Variants in ZNF286A observed in about 807,000 individuals in gnomAD.
ZNF286A encodes the protein zinc finger protein 286A.
ZNF286A carries 34 observed loss-of-function variants against 49.3 expected under a neutral mutation model. The observed-to-expected ratio is 0.69, with a 90% CI of 0.52 to 0.92. The LOEUF (loss-of-function observed/expected upper bound fraction) is 0.92, where lower values mean the gene tolerates loss of function less well. Ranked by LOEUF, ZNF286A falls within the 40% of genes least tolerant of loss-of-function variation. The probability of loss-of-function intolerance (pLI) is 0.00; values close to 1 mark genes in which losing one functional copy is unlikely to be tolerated. For synonymous variants in ZNF286A, 155 were observed against 200.4 expected (o/e 0.77, Z 1.91); for missense variants, 462 against 600.2 (o/e 0.77, Z 2.41).
chr17:15,717,925 CATT>C lies in ZNF286A; in HGVS notation c.*636_*638del, dbSNP rs1967153862. On this transcript the variant is annotated 3_prime_UTR_variant, in exon 6 of 6. Transcript: ENST00000583566. ...TTACGTTCACATGGATTATGTACAT[CATT>C]GATTTTTTTTTTTTTTTTTTTTTGA... The C allele has an allele frequency of 9.6e-6, 1 of 104,618 alleles. No individual in the cohort carries two copies. The highest frequency in any genetic ancestry group is 4.1e-5 in the African/African-American group (1 of 24,538). The allele number at this position is 104,618 out of a possible 1,614,324, so 6.5% of individuals were successfully genotyped here.
At chr17:15,715,678 T>C (rs564579396) in intron 5 of ZNF286A, among the ~76,000 whole-genome samples, 148 of 152,252 alleles carry the variant, frequency 9.7e-4, no homozygotes, top group African/African-American at 3.4e-3. Flanking sequence ...ATAACTGTAC[T>C]GTACATTAAG....
chr17:15,705,700 T>G (rs1197250634), intron 3 of ZNF286A, among the ~76,000 whole-genome samples: 1 of 152,220 alleles, frequency 6.6e-6, no homozygotes, highest in Admixed American at 6.5e-5. Flanking sequence ...CCTTGAAATA[T>G]TATTCCTGTT....
rs1324246824 is a variant in ZNF286A at position 15,719,147 on chromosome 17, A to AC, written c.*1857_*1858insC. 1 of 122,468 alleles carries AC rather than the reference A, an allele frequency of 8.2e-6. No homozygotes were observed. Among genetic ancestry groups the AC allele is most frequent in the Non-Finnish European group, 1.6e-5 (1 of 61,196 alleles). The allele number at this position is 122,468 out of a possible 1,614,324, so 7.6% of individuals were successfully genotyped here. On this transcript the variant is annotated 3_prime_UTR_variant, in exon 6 of 6. Coordinates refer to ENST00000583566, the MANE Select transcript of ZNF286A (RefSeq NM_001130842.2). Reference sequence around the variant, plus strand: ...AAACTGTATCATTACTCAAAAAAAAAAAAAAAAAGAAAGAAAAGAAAACAC... The same window carrying AC: ...AAACTGTATCATTACTCAAAAAAAAACAAAAAAAAGAAAGAAAAGAAAACAC...
intron 3 of ZNF286A, among the ~76,000 whole-genome samples, chr17:15,703,529 G>C (rs1393778202): frequency 6.6e-6 from 1 of 151,700 alleles, no homozygotes; most frequent in East Asian, 1.9e-4. Context: ...GAAATGTAAA[G>C]GTAATGCTAC....
Position 15,706,021 on chromosome 17 carries a change from G to T in ZNF286A, c.127-366G>T, listed in dbSNP as rs145680547. Among the ~76,000 whole-genome samples, 441 of 152,272 alleles carry T rather than the reference G, an allele frequency of 2.9e-3. 3 individuals are homozygous for T. The highest frequency in any genetic ancestry group is 9.7e-3 in the African/African-American group (403 of 41,548). On this transcript the variant is annotated intron_variant, in intron 3 of 5. Coordinates refer to ENST00000583566, the MANE Select transcript of ZNF286A (RefSeq NM_001130842.2). ...AATTTTTTATTGAGGACTCAGAGAAGCATTATGTAGACGTGACTTTTTTTC... is the reference window on the plus strand; with the variant it reads ...AATTTTTTATTGAGGACTCAGAGAATCATTATGTAGACGTGACTTTTTTTC...
rs1967316208 is a variant in ZNF286A, at chr17:15,720,462, A to G, written c.*3172A>G. ...GCTTCCATCTGGTGCTGTTTTCTGCACAGCCTCCTTGAGACCTTCCAGAAC... is the reference window on the plus strand; with the variant it reads ...GCTTCCATCTGGTGCTGTTTTCTGCGCAGCCTCCTTGAGACCTTCCAGAAC... On this transcript the variant is annotated 3_prime_UTR_variant, in exon 6 of 6. Coordinates refer to ENST00000583566, the MANE Select transcript of ZNF286A (RefSeq NM_001130842.2). The G allele has an allele frequency of 2.8e-5, 4 of 142,990 alleles. No homozygotes were observed. In the Admixed American group the frequency reaches 2.8e-4, roughly 10 times the overall value. The allele number at this position is 142,990 out of a possible 1,614,324, so 8.9% of individuals were successfully genotyped here.
chr17:15,704,063 A>AT (rs1214012896), intron 3 of ZNF286A, among the ~76,000 whole-genome samples: 97 of 103,854 alleles, frequency 9.3e-4, no homozygotes, highest in East Asian at 3.9e-3. Context: ...TATTATTATT[A>AT]TTATTTTTTT....
chr17:15,708,005 AAG>A, intron 4 of ZNF286A, 148 bp from the exon 5 acceptor site: 1 of 469,452 alleles, frequency 2.1e-6, no homozygotes, highest in Non-Finnish European at 3.5e-6. Context: ...AAAAAATAAA[AAG>A]TAAATTTTTA....
intron 5 of ZNF286A, among the ~76,000 whole-genome samples, chr17:15,713,629 A>G (rs936943116): frequency 1.3e-5 from 2 of 151,616 alleles, no homozygotes; most frequent in Non-Finnish European, 2.9e-5. Flanking sequence ...TTTTTCATAT[A>G]TTGAAATCTA....
At chr17:15,709,710 T>C in intron 5 of ZNF286A, 9 of 1,042,682 alleles carry the variant, frequency 8.6e-6, no homozygotes, top group Non-Finnish European at 1.2e-5. Context: ...TGTATTTCGA[T>C]ATTAATCTAT....
In ZNF286A at chr17:15,716,241, T is replaced by C; in HGVS notation, c.517T>C (p.Leu173=). The stretch of plus-strand genomic sequence containing the variant: ...TCAGCAAGGAAATCAGGAGAGACAT[T>C]TGAGAGAAATGTTCACTCACATGAA... ...ENQQGNQERH[L]REMFTHMNSL... is the part of the protein sequence containing the mutation. Residue 173 remains leucine, a synonymous_variant, in exon 6 of 6, where the codon TTG becomes CTG. Transcript: ENST00000583566. 6.2e-7 allele frequency: 1 copy of C among 1,613,894 alleles called. No individual in the cohort carries two copies. The highest frequency in any genetic ancestry group is 2.2e-5 in the East Asian group (1 of 44,876).
chr17:15,707,047 C>T (rs918448676), intron 4 of ZNF286A, among the ~76,000 whole-genome samples: 9 of 152,156 alleles, frequency 5.9e-5, no homozygotes, highest in African/African-American at 2.2e-4. Context: ...CCTGGGCTTA[C>T]TAGCATGCAC....
chr17:15,719,938 G>A lies in ZNF286A; in HGVS notation c.*2648G>A, dbSNP rs1466427481. ...ATCAAAATACTCCTACCTCTAGGAT[G>A]TTACTATATATTGTTAGGAGAATTC... is the stretch of plus-strand genomic sequence containing the variant. On this transcript the variant is annotated 3_prime_UTR_variant, in exon 6 of 6. Transcript: ENST00000583566. The A allele has an allele frequency of 2.6e-5, 4 of 152,194 alleles. No homozygotes were observed. The highest frequency in any genetic ancestry group is 5.9e-5 in the Non-Finnish European group (4 of 68,032). 9.4% of individuals were successfully genotyped at this position (152,194 alleles called of 1,614,324 possible). A position where few individuals can be genotyped will look rare whatever the true frequency, so the allele number is the denominator to read the frequency against.
chr17:15,719,489 T>G lies in ZNF286A; in HGVS notation c.*2199T>G, dbSNP rs1424121519. Reference sequence around the variant, plus strand: ...GGCTGGGAAGTCCAAGATCAAGGTGTCAACATATTTAGGGTCTAGGGAAGG... The same window carrying G: ...GGCTGGGAAGTCCAAGATCAAGGTGGCAACATATTTAGGGTCTAGGGAAGG... On this transcript the variant is annotated 3_prime_UTR_variant, in exon 6 of 6. Coordinates refer to ENST00000583566, the MANE Select transcript of ZNF286A (RefSeq NM_001130842.2). 2 of 150,716 alleles carry G rather than the reference T, an allele frequency of 1.3e-5. No individual in the cohort carries two copies. 9.3% of individuals were successfully genotyped at this position (150,716 alleles called of 1,614,324 possible). A position where few individuals can be genotyped will look rare whatever the true frequency, so the allele number is the denominator to read the frequency against.
chr17:15,707,100 G>A (rs1347664116), intron 4 of ZNF286A, among the ~76,000 whole-genome samples: 1 of 152,020 alleles, frequency 6.6e-6, no homozygotes, highest in African/African-American at 2.4e-5. Context: ...GGGGTGGAGG[G>A]GACTGTTAGC....
At chr17:15,715,545 T>G (rs991736745) in intron 5 of ZNF286A, among the ~76,000 whole-genome samples, 6 of 152,148 alleles carry the variant, frequency 3.9e-5, no homozygotes, top group Non-Finnish European at 8.8e-5. Context: ...ATTATGCCTT[T>G]GGGAGATCAT....
At chr17:15,711,867 C>A (rs962513002) in intron 5 of ZNF286A, among the ~76,000 whole-genome samples, 3 of 100,668 alleles carry the variant, frequency 3.0e-5, no homozygotes, top group Non-Finnish European at 6.1e-5. Flanking sequence ...TCTGCCCCCC[C>A]CCCGGCTTTT....
chr17:15,719,845 C>G lies in ZNF286A; in HGVS notation c.*2555C>G, dbSNP rs1199052053. ...AAAGGGTTTAAACCAGTCAGAGAAA[C>G]TAGGTGGAATGGAAAAGTACTGAGA... is the stretch of plus-strand genomic sequence containing the variant. On this transcript the variant is annotated 3_prime_UTR_variant, in exon 6 of 6. Coordinates refer to ENST00000583566, the MANE Select transcript of ZNF286A (RefSeq NM_001130842.2). The G allele has an allele frequency of 3.3e-5, 5 of 152,058 alleles. No homozygotes were observed. The highest frequency in any genetic ancestry group is 6.5e-5 in the Admixed American group (1 of 15,280). 9.4% of individuals were successfully genotyped at this position (152,058 alleles called of 1,614,324 possible).
intron 3 of ZNF286A, among the ~76,000 whole-genome samples, chr17:15,702,305 A>G (rs1298342773): frequency 1.3e-5 from 2 of 152,076 alleles, no homozygotes; most frequent in Non-Finnish European, 2.9e-5. Context: ...ACCTGAGGTC[A>G]GGAGTTCAAG....
Sources: gnomAD v4.1 joint callset for allele counts (sites outside exome capture counted in the v4.1 genomes callset) on GRCh38, gnomAD v4.1.1 for gene constraint, MANE v1.5 for transcripts, NCBI Gene and HGNC (gene_info 2026-07-23, HGNC 2026-07-21) for gene names.